Variants in CTNNA2 observed in about 807,000 individuals in gnomAD.
CTNNA2 encodes the protein catenin alpha 2, also known as catenin alpha-2.
In CTNNA2, 42 loss-of-function variants were observed where a neutral mutation model predicts 101.0. The ratio of observed to expected loss-of-function variants is 0.42; its 90% CI spans 0.32 to 0.54. The LOEUF is 0.54. Among genes scored for constraint, CTNNA2 ranks in the 20% least tolerant of loss-of-function variants. CTNNA2 has a pLI of 0.14. For missense variants in CTNNA2, 871 were observed against 1,223.1 expected, an observed-to-expected ratio of 0.71 and a Z score of 4.29; for synonymous variants, 450 against 456.4, an observed-to-expected ratio of 0.99 and a Z score of 0.18.
intron 7 of CTNNA2, among the ~76,000 whole-genome samples, chr2:80,074,917 C>A (rs181537462): frequency 6.6e-6 from 1 of 152,200 alleles, no homozygotes; most frequent in Non-Finnish European, 1.5e-5. Context: ...ACTTCAAAAT[C>A]TGTGCTACTT....
chr2:79,731,169 T>G (rs1687171347), intron 2 of CTNNA2, among the ~76,000 whole-genome samples: 1 of 152,048 alleles, frequency 6.6e-6, no homozygotes, highest in East Asian at 1.9e-4. Context: ...GATTGTTGCC[T>G]TTACCCGCTA....
At chr2:79,832,277 T>A (rs1302808731) in intron 3 of CTNNA2, among the ~76,000 whole-genome samples, 1 of 152,178 alleles carries the variant, frequency 6.6e-6, no homozygotes, top group Non-Finnish European at 1.5e-5. Flanking sequence ...CCTGAAACAA[T>A]ACGTGATTAA....
chr2:80,021,527 C>A (rs1244908570), intron 7 of CTNNA2, among the ~76,000 whole-genome samples: 1 of 152,136 alleles, frequency 6.6e-6, no homozygotes, highest in Admixed American at 6.5e-5. Context: ...AAGACCACCA[C>A]ATTCCACACT....
chr2:80,432,396 T>G lies in CTNNA2; in HGVS notation c.1290+12795T>G, dbSNP rs536427401. 2.3e-4 allele frequency among the ~76,000 whole-genome samples: 35 copies of G among 152,342 alleles called. No homozygotes were observed. The East Asian group carries it at 6.4e-3, about 28-fold the overall frequency. On this transcript the variant is annotated intron_variant, in intron 9 of 18. Coordinates refer to ENST00000402739, the MANE Select transcript of CTNNA2 (RefSeq NM_001282597.3). The stretch of plus-strand genomic sequence containing the variant: ...ATGTAAAAATCTAAGTAAATACTGT[T>G]TGTAATACAAATGCACCTTTTGAAA...
chr2:80,322,822 C>T (rs1486987503), intron 7 of CTNNA2, among the ~76,000 whole-genome samples: 2 of 152,188 alleles, frequency 1.3e-5, no homozygotes, highest in Non-Finnish European at 2.9e-5. Flanking sequence ...GGGGCTGCCT[C>T]GGCATCCAAG....
At chr2:79,447,072 A>C (rs766642223) in intron 4 of CTNNA2, among the ~76,000 whole-genome samples, 34 of 152,074 alleles carry the variant, frequency 2.2e-4, no homozygotes, top group South Asian at 4.1e-4. Context: ...TTATAGAAAG[A>C]GCAGTATTAG....
chr2:80,119,326 A>ATG (rs1472640529), intron 7 of CTNNA2, among the ~76,000 whole-genome samples: 1 of 152,210 alleles, frequency 6.6e-6, no homozygotes, highest in African/African-American at 2.4e-5. Context: ...AGATTGGGTC[A>ATG]CCAGACTATG....
chr2:80,120,575 C>T (rs1210992921), intron 7 of CTNNA2, among the ~76,000 whole-genome samples: 1 of 152,112 alleles, frequency 6.6e-6, no homozygotes, highest in Non-Finnish European at 1.5e-5. Flanking sequence ...CCTTGCTTGG[C>T]ATAGTGCTGT....
chr2:80,552,063 G>A (rs1028191329), intron 11 of CTNNA2, among the ~76,000 whole-genome samples: 7 of 152,260 alleles, frequency 4.6e-5, no homozygotes, highest in East Asian at 1.9e-4. Flanking sequence ...GCAAACGGCC[G>A]TCTTGGTGGA....
chr2:80,078,538 C>T (rs971855963), intron 7 of CTNNA2, among the ~76,000 whole-genome samples: 1 of 152,108 alleles, frequency 6.6e-6, no homozygotes, highest in Non-Finnish European at 1.5e-5. Flanking sequence ...AGAACAGCCC[C>T]GCGGGCATCT....
At chr2:80,536,834 GATGTAGTT>G (rs1235062200) in intron 9 of CTNNA2, among the ~76,000 whole-genome samples, 1 of 152,180 alleles carries the variant, frequency 6.6e-6, no homozygotes, top group Admixed American at 6.5e-5. Flanking sequence ...GTACAGCCAC[GATGTAGTT>G]TATCAAGATC....
At chr2:79,662,249 G>A (rs1682087359) in intron 2 of CTNNA2, among the ~76,000 whole-genome samples, 1 of 151,952 alleles carries the variant, frequency 6.6e-6, no homozygotes, top group South Asian at 2.1e-4. Context: ...AATGGTTAAT[G>A]CATATGAATA....
intron 7 of CTNNA2, among the ~76,000 whole-genome samples, chr2:80,070,277 A>G (rs1698243123): frequency 6.6e-6 from 1 of 152,240 alleles, no homozygotes; most frequent in African/African-American, 2.4e-5. Context: ...CCAGGAAGAA[A>G]TACTACCTGG....
intron 6 of CTNNA2, among the ~76,000 whole-genome samples, chr2:79,878,896 A>G (rs1229969132): frequency 6.6e-6 from 1 of 152,180 alleles, no homozygotes; most frequent in Non-Finnish European, 1.5e-5. Context: ...GTCTTTGCCC[A>G]TGCCTATTTC....
rs183646586 is a variant in CTNNA2 at position 80,540,298 on chromosome 2, A to C, written c.1291-4684A>C. On this transcript the variant is annotated intron_variant, in intron 9 of 18. Transcript: ENST00000402739. ...ATCTAGTTAAAGAACAGGTTGTTGA[A>C]ATCAATTATCAGATACTGGCAGGTG... Among the ~76,000 whole-genome samples, 517 of 152,260 alleles carry C rather than the reference A, an allele frequency of 3.4e-3. 1 individual carries two copies. Among genetic ancestry groups the C allele is most frequent in the African/African-American group, 0.012 (488 of 41,566 alleles).
intron 1 of CTNNA2, among the ~76,000 whole-genome samples, chr2:79,613,267 TCA>T (rs1678405876): frequency 6.6e-6 from 1 of 151,894 alleles, no homozygotes; most frequent in South Asian, 2.1e-4. Flanking sequence ...CATATCAGAC[TCA>T]CAGATTTTCT....
chr2:79,860,179 A>G (rs1681479229), intron 4 of CTNNA2, among the ~76,000 whole-genome samples: 1 of 152,178 alleles, frequency 6.6e-6, no homozygotes, highest in African/African-American at 2.4e-5. Context: ...CGAAGGCGAT[A>G]TTTTTAGATA....
intron 1 of CTNNA2, among the ~76,000 whole-genome samples, chr2:79,606,623 T>C (rs1269135632): frequency 6.6e-6 from 1 of 152,128 alleles, no homozygotes. Context: ...TTATTAAATA[T>C]ATAAAAGTAA....
chr2:80,482,073 C>CTTAAT (rs58932753), intron 9 of CTNNA2, among the ~76,000 whole-genome samples: 3,350 of 150,430 alleles, frequency 0.022, 36 homozygotes, highest in African/African-American at 0.03. Context: ...TTCCCAAGGT[C>CTTAAT]TTAATTTAAT....
Sources: gnomAD v4.1 joint callset for allele counts (sites outside exome capture counted in the v4.1 genomes callset) on GRCh38, gnomAD v4.1.1 for gene constraint, MANE v1.5 for transcripts, NCBI Gene and HGNC (gene_info 2026-07-23, HGNC 2026-07-21) for gene names.